The following RORB variants were observed in gnomAD, a reference collection of about 807,000 sequenced individuals.
RORB encodes the protein RAR related orphan receptor B.
Under a neutral mutation model 59.1 loss-of-function variants are expected in RORB, and 6 were observed. That is an observed-to-expected ratio of 0.10 (90% CI 0.06 to 0.20). RORB has a LOEUF of 0.20. RORB is among the 10% of genes least tolerant of loss of function. The pLI is 1.00. For missense variants in RORB, 320 were observed against 560.5 expected, an observed-to-expected ratio of 0.57 and a Z score of 4.33; for synonymous variants, 215 against 204.5, an observed-to-expected ratio of 1.05 and a Z score of -0.44.
rs527634118 is a variant in RORB at position 74,679,038 on chromosome 9, A to C, written c.1225-6425A>C. Among the ~76,000 whole-genome samples, 93 of 151,142 alleles carry C rather than the reference A, an allele frequency of 6.2e-4. 2 individuals carry two copies. In the South Asian group the frequency reaches 0.019, roughly 31 times the overall value. Reference sequence around the variant, plus strand: ...CAGAACAAGACTCTGTCTCAAAAAAAAAAAACAAAAACAAACAAACAAAAA... The same window carrying C: ...CAGAACAAGACTCTGTCTCAAAAAACAAAAACAAAAACAAACAAACAAAAA... On this transcript the variant is annotated intron_variant, in intron 9 of 9. Coordinates refer to ENST00000376896, the MANE Select transcript of RORB (RefSeq NM_006914.4).
chr9:74,619,062 G>T (rs538876894), intron 1 of RORB, among the ~76,000 whole-genome samples: 8 of 152,292 alleles, frequency 5.3e-5, no homozygotes, highest in Admixed American at 1.3e-4. Context: ...AATTCTGGAA[G>T]CATTCTGCTA....
At chr9:74,586,726 T>C (rs1392143371) in intron 1 of RORB, among the ~76,000 whole-genome samples, 1 of 152,084 alleles carries the variant, frequency 6.6e-6, no homozygotes, top group East Asian at 1.9e-4. Context: ...TCTCTAAATG[T>C]GGCACATGTT....
intron 9 of RORB, among the ~76,000 whole-genome samples, chr9:74,683,940 G>T (rs1824591619): frequency 6.6e-6 from 1 of 151,906 alleles, no homozygotes; most frequent in South Asian, 2.1e-4. Context: ...CATCAAGAAT[G>T]AAAAAAAATT....
intron 1 of RORB, among the ~76,000 whole-genome samples, chr9:74,504,855 A>G (rs1417238612): frequency 6.6e-6 from 1 of 152,088 alleles, no homozygotes; most frequent in Non-Finnish European, 1.5e-5. Flanking sequence ...TCAATAAATA[A>G]TTGCAATAAA....
chr9:74,611,007 A>AG lies in RORB; in HGVS notation c.8-19271dup, dbSNP rs370106328. Among the ~76,000 whole-genome samples the AG allele has an allele frequency of 5.7e-3, 862 of 152,262 alleles. 11 individuals carry two copies. Among genetic ancestry groups the AG allele is most frequent in the African/African-American group, 0.02 (818 of 41,548 alleles). ...TTTTTAATGACATTTCTTCTATTTGAGGGGATTTATCCCTCATTTCCCCCT... is the reference window on the plus strand; with the variant it reads ...TTTTTAATGACATTTCTTCTATTTGAGGGGGATTTATCCCTCATTTCCCCCT... On this transcript the variant is annotated intron_variant, in intron 1 of 9. Transcript: ENST00000376896.
At chr9:74,651,114 T>A (rs1427520533) in intron 4 of RORB, among the ~76,000 whole-genome samples, 1 of 152,208 alleles carries the variant, frequency 6.6e-6, no homozygotes, top group South Asian at 2.1e-4. Flanking sequence ...AGATTTTCCA[T>A]GGCCTCTGGA....
At chr9:74,623,854 T>G (rs1200165507) in intron 1 of RORB, among the ~76,000 whole-genome samples, 2 of 152,184 alleles carry the variant, frequency 1.3e-5, no homozygotes, top group East Asian at 3.8e-4. Context: ...AAAGATGAAT[T>G]TAATGGGAAT....
At chr9:74,522,677 G>GT (rs1826098849) in intron 1 of RORB, among the ~76,000 whole-genome samples, 1 of 151,762 alleles carries the variant, frequency 6.6e-6, no homozygotes, top group African/African-American at 2.4e-5. Flanking sequence ...TTGATATTCA[G>GT]TTTTTTAAAA....
intron 1 of RORB, among the ~76,000 whole-genome samples, chr9:74,540,703 T>A (rs1431051354): frequency 6.6e-6 from 1 of 152,188 alleles, no homozygotes; most frequent in African/African-American, 2.4e-5. Flanking sequence ...ATATTTAATT[T>A]AAATGCTTCT....
intron 1 of RORB, among the ~76,000 whole-genome samples, chr9:74,533,144 C>T (rs951928335): frequency 1.3e-5 from 2 of 151,860 alleles, no homozygotes; most frequent in African/African-American, 4.8e-5. Flanking sequence ...TGTTTGCTAC[C>T]TCTGCTCCAC....
At chr9:74,580,646 A>G (rs1822708495) in intron 1 of RORB, among the ~76,000 whole-genome samples, 1 of 152,152 alleles carries the variant, frequency 6.6e-6, no homozygotes, top group South Asian at 2.1e-4. Context: ...AGGCCATCAA[A>G]ATATGTTCAT....
At chr9:74,610,953 C>T (rs140348982) in intron 1 of RORB, among the ~76,000 whole-genome samples, 24 of 152,256 alleles carry the variant, frequency 1.6e-4, no homozygotes, top group African/African-American at 5.1e-4. Context: ...CAAGAACCTC[C>T]GTGGGATGGT....
chr9:74,636,872 G>T (rs555744224), intron 3 of RORB, among the ~76,000 whole-genome samples: 1 of 152,132 alleles, frequency 6.6e-6, no homozygotes, highest in African/African-American at 2.4e-5. Context: ...TACAGAGAAA[G>T]TTTGGTCTGA....
At position 74,519,886 on chromosome 9, in the gene RORB, CT is replaced by C. The variant is rs1826059177; in HGVS notation, c.7+21906del. 2.6e-5 allele frequency among the ~76,000 whole-genome samples: 4 copies of C among 152,070 alleles called. No individual in the cohort carries two copies. In the South Asian group the frequency reaches 8.3e-4, roughly 32 times the overall value. ...GTGCCCACTAGTCCCGTTGATCATT[CT>C]TTAATTCACATTTCACAGCAATTTC... On this transcript the variant is annotated intron_variant, in intron 1 of 9. Coordinates refer to ENST00000376896, the MANE Select transcript of RORB (RefSeq NM_006914.4).
chr9:74,540,692 T>C (rs1923961), intron 1 of RORB, among the ~76,000 whole-genome samples: 148,530 of 152,064 alleles, frequency 0.98, 72,651 homozygotes, highest in Middle Eastern at 1. Flanking sequence ...ATAGATGTAC[T>C]ATATTTAATT....
chr9:74,506,767 A>T (rs1825876224), intron 1 of RORB, among the ~76,000 whole-genome samples: 1 of 152,114 alleles, frequency 6.6e-6, no homozygotes, highest in Non-Finnish European at 1.5e-5. Flanking sequence ...CATAGTGGGC[A>T]GGACCACAGA....
At chr9:74,680,108 A>G (rs879467784) in intron 9 of RORB, among the ~76,000 whole-genome samples, 3 of 152,198 alleles carry the variant, frequency 2.0e-5, no homozygotes, top group Non-Finnish European at 4.4e-5. Context: ...TCTCTAAACA[A>G]ATAAATAAAT....
chr9:74,536,097 T>C (rs1826318825), intron 1 of RORB, among the ~76,000 whole-genome samples: 2 of 152,104 alleles, frequency 1.3e-5, no homozygotes, highest in East Asian at 1.9e-4. Context: ...AGTATTCTTC[T>C]GTTCAGTTAC....
chr9:74,642,828 C>G lies in RORB; in HGVS notation c.637+13C>G. Reference sequence around the variant, plus strand: ...ATGACTGAAATCGGTAAGTGGAAGTCTCCTCCCAGTGGCTTTTTTTGAGAT... The same window carrying G: ...ATGACTGAAATCGGTAAGTGGAAGTGTCCTCCCAGTGGCTTTTTTTGAGAT... On this transcript the variant is annotated intron_variant, in intron 4 of 9. Transcript: ENST00000376896. 1.3e-6 allele frequency: 2 copies of G among 1,563,862 alleles called. No homozygotes were observed. The highest frequency in any genetic ancestry group is 2.4e-5 in the South Asian group (2 of 84,304).
Sources: gnomAD v4.1 joint callset for allele counts (sites outside exome capture counted in the v4.1 genomes callset) on GRCh38, gnomAD v4.1.1 for gene constraint, MANE v1.5 for transcripts, NCBI Gene and HGNC (gene_info 2026-07-23, HGNC 2026-07-21) for gene names.